MYH4: variants seen among roughly 807,000 people sequenced by gnomAD.
The protein encoded by MYH4 is myosin-4.
MYH4 carries 200 observed loss-of-function variants against 229.9 expected under a neutral mutation model. That is an observed-to-expected ratio of 0.87 (90% CI 0.78 to 0.98). MYH4 has a LOEUF of 0.98. Ranked by LOEUF, MYH4 falls within the 50% of genes least tolerant of loss-of-function variation. MYH4 has a pLI of 0.00. For synonymous variants in MYH4, 761 were observed against 834.6 expected, an observed-to-expected ratio of 0.91 and a Z score of 1.52; for missense variants, 2,148 against 2,332.6, an observed-to-expected ratio of 0.92 and a Z score of 1.63.
chr17:10,462,574 T>C (rs1478350663), intron 11 of MYH4, among the ~76,000 whole-genome samples: 2 of 152,160 alleles, frequency 1.3e-5, no homozygotes, highest in Admixed American at 6.6e-5. Flanking sequence ...AACATTAATA[T>C]TGGAGCATAA....
At chr17:10,462,656 C>G (rs1056648618) in intron 11 of MYH4, among the ~76,000 whole-genome samples, 10 of 152,120 alleles carry the variant, frequency 6.6e-5, no homozygotes, top group African/African-American at 2.4e-4. Context: ...ACTAAAGACC[C>G]AACATTTATT....
chr17:10,453,478 G>T, intron 23 of MYH4, 150 bp from the exon 24 acceptor site: 1 of 1,547,076 alleles, frequency 6.5e-7, no homozygotes, highest in East Asian at 2.3e-5. Flanking sequence ...GAAAAAATAG[G>T]AGGTAAAGGT....
At chr17:10,466,819 G>T (rs1008621088) in intron 2 of MYH4, 35 bp from the exon 3 acceptor site, 7 of 1,560,436 alleles carry the variant, frequency 4.5e-6, no homozygotes, top group Non-Finnish European at 5.3e-6. Context: ...GATGATTCAG[G>T]GTTGGGGTGG....
In MYH4 at chr17:10,452,261, G is replaced by C. The variant is rs769526708; in HGVS notation, c.3418C>G (p.Arg1140Gly). Residue 1140 changes from arginine to glycine, a missense_variant, in exon 27 of 40, where the codon CGC becomes GGC. Physicochemically the swap from Arg to Gly is moderately radical, Grantham distance 125. Coordinates refer to ENST00000255381, the MANE Select transcript of MYH4 (RefSeq NM_017533.2). ...TCCAGCTCCCGGGAGAGGTCAGAGC[G>C]CTGCTTCTCTGCTTTGGCCCGGGAG... Reference protein sequence around the residue: ...RASRAKAEKQRSDLSRELEEI... With the variant: ...RASRAKAEKQGSDLSRELEEI... The C allele has an allele frequency of 6.2e-7, 1 of 1,613,982 alleles. No homozygotes were observed. The highest frequency in any genetic ancestry group is 1.1e-5 in the South Asian group (1 of 91,082).
chr17:10,455,983 C>G, intron 17 of MYH4, 82 bp from the exon 18 acceptor site: 1 of 1,551,006 alleles, frequency 6.4e-7, no homozygotes, highest in East Asian at 2.3e-5. Context: ...TCTTTCATTT[C>G]ACATTTTAAT....
At position 10,444,687 on chromosome 17, in the gene MYH4, G is replaced by T. The variant is rs34260986; in HGVS notation, c.5584C>A (p.Arg1862Ser). The T allele has an allele frequency of 2.9e-4, 474 of 1,613,660 alleles. No individual in the cohort carries two copies. The African/African-American group carries it at 5.5e-3, about 19-fold the overall frequency. ...TCCTGCAGCCTGAGAATATTCTTGC[G>T]GTCCTCCTCAGTCTGAAAGAGGTGC... is the stretch of plus-strand genomic sequence containing the variant. The part of the protein sequence containing the change: ...KELTYQTEED[R>S]KNILRLQDLV... Residue 1862 changes from arginine (R) to serine (S), a missense_variant, in exon 39 of 40, where the codon CGC becomes AGC. Physicochemically the swap from Arg to Ser is moderately radical, Grantham distance 110 (BLOSUM62 -1). Transcript: ENST00000255381.
chr17:10,455,921 G>C lies in MYH4; in HGVS notation c.1969-20C>G, dbSNP rs747858068. 4.3e-6 allele frequency: 7 copies of C among 1,613,834 alleles called. No homozygotes were observed. Among genetic ancestry groups the C allele is most frequent in the Middle Eastern group, 1.6e-4 (1 of 6,080 alleles). ...ATTCTCCTGTGGAACCATATGAAAA[G>C]TTTTAAAATCATTTCTAGTTGCATC... On this transcript the variant is annotated intron_variant, in intron 17 of 39. Coordinates refer to ENST00000255381, the MANE Select transcript of MYH4 (RefSeq NM_017533.2).
chr17:10,464,073 A>G (rs547739203), intron 7 of MYH4, among the ~76,000 whole-genome samples: 2 of 152,300 alleles, frequency 1.3e-5, no homozygotes, highest in African/African-American at 4.8e-5. Context: ...GGTATATTGC[A>G]TGATACTGAG....
At chr17:10,466,248 G>C (rs759248068) in intron 4 of MYH4, 25 bp downstream of exon 4, 2 of 1,611,290 alleles carry the variant, frequency 1.2e-6, no homozygotes, top group Admixed American at 1.7e-5. Flanking sequence ...GAGTGAGTGA[G>C]AAATAGCGTT....
Position 10,445,244 on chromosome 17 carries a change from A to G in MYH4, c.5288T>C (p.Ile1763Thr). Reference sequence around the variant, plus strand: ...AATGCTCATCTTGCTTACATCAGTGATGGCCTTCTTGGCCTTCTCCTCTGC... The same window carrying G: ...AATGCTCATCTTGCTTACATCAGTGGTGGCCTTCTTGGCCTTCTCCTCTGC... ...RNAEEKAKKA[I>T]TDAAMMAEEL... The change falls in exon 36 of 40, where the codon ATC becomes ACC. Residue 1763 changes from isoleucine (I) to threonine (T), a missense_variant. Ile to Thr is a moderately conservative substitution (Grantham distance 89). Coordinates refer to ENST00000255381, the MANE Select transcript of MYH4 (RefSeq NM_017533.2). The G allele has an allele frequency of 6.2e-7, 1 of 1,614,156 alleles. No homozygotes were observed. The highest frequency in any genetic ancestry group is 1.6e-4 in the Middle Eastern group (1 of 6,062).
Position 10,450,559 on chromosome 17 carries a change from C to A in MYH4, c.4075G>T (p.Ala1359Ser). ...TTGGACATTCCCCTCTGCAGCTCAG[C>A]CTTGGCTTCCTGCTCCTCCTCATAC... ...EQYEEEQEAK[A>S]ELQRGMSKAN... The change falls in exon 30 of 40, where the codon GCT (alanine) becomes TCT (serine). Residue 1359 changes from alanine to serine, a missense_variant. Transcript: ENST00000255381. The A allele has an allele frequency of 2.5e-6, 4 of 1,614,204 alleles. No homozygotes were observed. Among genetic ancestry groups the A allele is most frequent in the Non-Finnish European group, 3.4e-6 (4 of 1,180,034 alleles).
rs1567706053 is a variant in MYH4, at chr17:10,462,840, TTACTACTTTG to T, written c.1008+15_1008+24del. The T allele has an allele frequency of 6.3e-7, 1 of 1,576,558 alleles. No individual in the cohort carries two copies. The highest frequency in any genetic ancestry group is 1.7e-5 in the Admixed American group (1 of 58,112). Reference sequence around the variant, plus strand: ...GTACACTGGAAAATGAATTTACTTTTTACTACTTTGTACCTATTACTTACATCTGTGGCCA... The same window carrying T: ...GTACACTGGAAAATGAATTTACTTTTTACCTATTACTTACATCTGTGGCCA... On this transcript the variant is annotated intron_variant, in intron 11 of 39. Transcript: ENST00000255381.
intron 28 of MYH4, 62 bp downstream of exon 28, chr17:10,451,264 T>G: frequency 6.4e-7 from 1 of 1,567,342 alleles, no homozygotes; most frequent in Non-Finnish European, 8.7e-7. Flanking sequence ...ATTTGATAGG[T>G]AGGTAAAGGC....
chr17:10,464,405 C>CG (rs2072737736), intron 7 of MYH4, 67 bp downstream of exon 7: 1 of 1,312,376 alleles, frequency 7.6e-7, no homozygotes, highest in South Asian at 1.3e-5. Flanking sequence ...ATACAGTCTA[C>CG]TGTTGATGTG....
intron 4 of MYH4, among the ~76,000 whole-genome samples, chr17:10,466,001 C>G (rs978500960): frequency 1.1e-4 from 17 of 151,836 alleles, no homozygotes; most frequent in African/African-American, 3.6e-4. Context: ...GTCTCGATCT[C>G]CTGACCTCGT....
intron 25 of MYH4, 101 bp downstream of exon 25, chr17:10,452,686 T>G: frequency 1.4e-6 from 2 of 1,387,176 alleles, no homozygotes; most frequent in South Asian, 2.8e-5. Flanking sequence ...ATTATTTTTT[T>G]CCATATGTCA....
At chr17:10,460,176 A>G (rs769452380) in intron 13 of MYH4, 27 bp downstream of exon 13, 1 of 1,613,562 alleles carries the variant, frequency 6.2e-7, no homozygotes, top group Non-Finnish European at 8.5e-7. Flanking sequence ...CGGTTCAAAT[A>G]AATCAGACAA....
rs377348536 is a variant in MYH4 at position 10,451,387 on chromosome 17, T to C, written c.3804A>G (p.Glu1268=). The C allele has an allele frequency of 2.0e-5, 33 of 1,613,972 alleles. No homozygotes were observed. The highest frequency in any genetic ancestry group is 2.6e-5 in the Non-Finnish European group (31 of 1,179,990). The change falls in exon 28 of 40, where the codon GAA becomes GAG. Residue 1268 remains glutamate (E), a synonymous_variant. Coordinates refer to ENST00000255381, the MANE Select transcript of MYH4 (RefSeq NM_017533.2). ...DQLSEIKTKE[E]EQQRLINELS... The stretch of plus-strand genomic sequence containing the variant: ...ACTCATTTATTAAGCGTTGTTGCTC[T>C]TCTTCCTTTGTTTTTATTTCACTAA...
Position 10,455,890 on chromosome 17 carries a change from A to G in MYH4, c.1980T>C (p.Asn660=). The G allele has an allele frequency of 1.2e-6, 2 of 1,614,238 alleles. No individual in the cohort carries two copies. Among genetic ancestry groups the G allele is most frequent in the Non-Finnish European group, 1.7e-6 (2 of 1,180,040 alleles). Residue 660 remains asparagine (N), a synonymous_variant, in exon 18 of 40, where the codon AAT becomes AAC. Coordinates refer to ENST00000255381, the MANE Select transcript of MYH4 (RefSeq NM_017533.2). ...TGCTCCTCAAGTTGGTCATCAGCTT[A>G]TTCAAATTCTCCTGTGGAACCATAT... ...TVSALFRENL[N]KLMTNLRSTH...
Sources: gnomAD v4.1 joint callset for allele counts (sites outside exome capture counted in the v4.1 genomes callset) on GRCh38, gnomAD v4.1.1 for gene constraint, MANE v1.5 for transcripts, NCBI Gene and HGNC (gene_info 2026-07-23, HGNC 2026-07-21) for gene names.